The following AGAP1 variants were observed in gnomAD, a reference collection of about 807,000 sequenced individuals.
The protein encoded by AGAP1 is ArfGAP with GTPase domain, ankyrin repeat and PH domain 1.
A neutral mutation model predicts 105.3 loss-of-function variants in AGAP1; 29 were observed. The observed-to-expected ratio is 0.28, with a 90% CI of 0.21 to 0.38. The LOEUF (loss-of-function observed/expected upper bound fraction) is 0.38. Ranked by LOEUF, AGAP1 falls within the 10% of genes least tolerant of loss-of-function variation. The pLI, the probability that AGAP1 is intolerant of heterozygous loss-of-function variation, is 1.00. For synonymous variants in AGAP1, 509 were observed against 485.9 expected, an observed-to-expected ratio of 1.05 and a Z score of -0.63; for missense variants, 998 against 1,165.1, an observed-to-expected ratio of 0.86 and a Z score of 2.09.
chr2:236,022,770 A>G (rs2056926379), intron 13 of AGAP1, among the ~76,000 whole-genome samples: 1 of 152,192 alleles, frequency 6.6e-6, no homozygotes, highest in South Asian at 2.1e-4. Flanking sequence ...CCTCACCTCA[A>G]GGGATCCGCC....
rs1946083899 is a variant in AGAP1 at position 235,610,308 on chromosome 2, A to C, written c.164-98871A>C. ...CTCGTCATCTTGGAGTCCACCGTGC[A>C]CTTGTCCGCTTGGGCTGCCATAACA... On this transcript the variant is annotated intron_variant, in intron 1 of 17. Transcript: ENST00000304032. This position sits in a 1 kb window ranked among gnomAD's most constrained non-coding sequence, Gnocchi z 4.9. Among the ~76,000 whole-genome samples the C allele has an allele frequency of 6.6e-6, 1 of 152,134 alleles. No individual in the cohort carries two copies. Among genetic ancestry groups the C allele is most frequent in the Non-Finnish European group, 1.5e-5 (1 of 68,022 alleles).
At position 236,003,666 on chromosome 2, in the gene AGAP1, A is replaced by G. The variant is rs1007727294; in HGVS notation, c.1646-32895A>G. Among the ~76,000 whole-genome samples the G allele has an allele frequency of 3.9e-5, 6 of 152,180 alleles. No homozygotes were observed. The highest frequency in any genetic ancestry group is 1.4e-4 in the African/African-American group (6 of 41,446). On this transcript the variant is annotated intron_variant, in intron 13 of 17. Coordinates refer to ENST00000304032, the MANE Select transcript of AGAP1 (RefSeq NM_001037131.3). This position sits in a 1 kb window ranked among gnomAD's most constrained non-coding sequence, Gnocchi z 4.2. ...TTCTTTCTCTGGCTGTGCACCTGGC[A>G]GTGCTGAGAGGAGAGCCTGGTGGGC... is the stretch of plus-strand genomic sequence containing the variant.
chr2:235,709,996 TAG>T (rs1344363235), intron 2 of AGAP1, among the ~76,000 whole-genome samples: 1 of 150,892 alleles, frequency 6.6e-6, no homozygotes, highest in Non-Finnish European at 1.5e-5. Flanking sequence ...TATATTTATG[TAG>T]GTATCTATGT....
At chr2:235,849,953 C>CCCTCTCAGCCTTCTTCATAG (rs1404647983) in intron 9 of AGAP1, among the ~76,000 whole-genome samples, 2 of 152,228 alleles carry the variant, frequency 1.3e-5, no homozygotes, top group African/African-American at 4.8e-5. Context: ...TCTCACTTTT[C>CCCTCTCAGCCTTCTTCATAG]CCTCTCAGCC....
At chr2:235,626,487 G>A (rs1183589679) in intron 1 of AGAP1, among the ~76,000 whole-genome samples, 1 of 152,208 alleles carries the variant, frequency 6.6e-6, no homozygotes, top group Non-Finnish European at 1.5e-5. Context: ...AGTTAATGGT[G>A]GCGTTTTTTA....
intron 1 of AGAP1, among the ~76,000 whole-genome samples, chr2:235,685,959 T>C (rs1482015089): frequency 2.6e-5 from 4 of 152,264 alleles, no homozygotes; most frequent in African/African-American, 9.6e-5. Flanking sequence ...GGGAGGGGGC[T>C]TCTGACATTC....
intron 1 of AGAP1, among the ~76,000 whole-genome samples, chr2:235,708,802 CG>C (rs1488197827): frequency 6.6e-6 from 1 of 152,194 alleles, no homozygotes; most frequent in Non-Finnish European, 1.5e-5. Flanking sequence ...AATCACTCCT[CG>C]GAAAGCTAGG....
chr2:235,715,634 G>A (rs1040574351), intron 2 of AGAP1, among the ~76,000 whole-genome samples: 1 of 152,184 alleles, frequency 6.6e-6, no homozygotes, highest in Non-Finnish European at 1.5e-5. Context: ...AGTCTCCCAC[G>A]GCTTATGAAA....
rs748133660 is a variant in AGAP1 at position 236,035,634 on chromosome 2, C to G, written c.1646-927C>G. Among the ~76,000 whole-genome samples the G allele has an allele frequency of 6.6e-6, 1 of 152,148 alleles. No individual in the cohort carries two copies. The highest frequency in any genetic ancestry group is 1.9e-4 in the East Asian group (1 of 5,176). On this transcript the variant is annotated intron_variant, in intron 13 of 17. Coordinates refer to ENST00000304032, the MANE Select transcript of AGAP1 (RefSeq NM_001037131.3). The surrounding 1 kb of genome is among the most constrained non-coding windows in gnomAD (Gnocchi z 4.2). ...GTGGGACTCCATCTCAAAAACAGTTCTTCGTGGTTGTATGCAATTAGTTAT... is the reference window on the plus strand; with the variant it reads ...GTGGGACTCCATCTCAAAAACAGTTGTTCGTGGTTGTATGCAATTAGTTAT...
At chr2:235,516,529 C>T (rs984452603) in intron 1 of AGAP1, among the ~76,000 whole-genome samples, 3 of 152,158 alleles carry the variant, frequency 2.0e-5, no homozygotes, top group Non-Finnish European at 4.4e-5. Context: ...TTTCCTCTAG[C>T]TTTACTCCAA....
At chr2:235,707,244 C>G (rs1346490443) in intron 1 of AGAP1, among the ~76,000 whole-genome samples, 1 of 152,216 alleles carries the variant, frequency 6.6e-6, no homozygotes, top group Non-Finnish European at 1.5e-5. Context: ...TGAGCTCCTG[C>G]AGATGGGCCT....
intron 9 of AGAP1, among the ~76,000 whole-genome samples, chr2:235,812,516 G>A (rs1178956135): frequency 1.3e-5 from 2 of 152,254 alleles, no homozygotes; most frequent in African/African-American, 2.4e-5. Context: ...TGTATTGTGT[G>A]GCATGGGCAG....
At chr2:235,929,927 A>T (rs547642267) in intron 11 of AGAP1, among the ~76,000 whole-genome samples, 1 of 152,192 alleles carries the variant, frequency 6.6e-6, no homozygotes, top group South Asian at 2.1e-4. Context: ...AACTAAAACA[A>T]TTGGAAGAAA....
intron 9 of AGAP1, among the ~76,000 whole-genome samples, chr2:235,813,421 G>A (rs543898067): frequency 1.6e-3 from 250 of 152,354 alleles, no homozygotes; most frequent in Middle Eastern, 3.4e-3. Context: ...TTCCAAGAAC[G>A]GAAGTTCGTT....
At chr2:236,085,548 G>A (rs532663883) in intron 16 of AGAP1, among the ~76,000 whole-genome samples, 6 of 152,220 alleles carry the variant, frequency 3.9e-5, no homozygotes, top group African/African-American at 9.6e-5. Context: ...GTTCCAGCTG[G>A]TAGGACCAGC....
At chr2:235,914,043 G>A (rs1319670310) in intron 11 of AGAP1, among the ~76,000 whole-genome samples, 2 of 151,938 alleles carry the variant, frequency 1.3e-5, no homozygotes, top group Admixed American at 6.6e-5. Flanking sequence ...GCATTGTGAA[G>A]CTAATCCTTT....
At position 235,962,751 on chromosome 2, in the gene AGAP1, C is replaced by A. The variant is rs928592497; in HGVS notation, c.1484-5711C>A. On this transcript the variant is annotated intron_variant, in intron 12 of 17. Transcript: ENST00000304032. This position sits in a 1 kb window ranked among gnomAD's most constrained non-coding sequence, Gnocchi z 5.3. ...TGCGAGAGGTTGAAAACTAGAAGCT[C>A]TGGTTGAAATTCCATGGGGTTTCTC... Among the ~76,000 whole-genome samples the A allele has an allele frequency of 6.6e-6, 1 of 152,168 alleles. No homozygotes were observed. Among genetic ancestry groups the A allele is most frequent in the Non-Finnish European group, 1.5e-5 (1 of 68,032 alleles).
At chr2:235,991,492 T>G (rs975972538) in intron 13 of AGAP1, among the ~76,000 whole-genome samples, 17 of 152,330 alleles carry the variant, frequency 1.1e-4, no homozygotes, top group African/African-American at 4.1e-4. Flanking sequence ...GGAAGGTCGC[T>G]TGAGCCCAGG....
intron 11 of AGAP1, 102 bp downstream of exon 11, chr2:235,909,008 T>A: frequency 8.7e-7 from 1 of 1,145,654 alleles, no homozygotes; most frequent in Non-Finnish European, 1.2e-6. Flanking sequence ...AGACAGTAAC[T>A]ATCACATTAC....
Sources: allele counts gnomAD v4.1 joint callset (sites outside exome capture counted in the v4.1 genomes callset), GRCh38; gene constraint gnomAD v4.1.1; non-coding constraint Gnocchi (gnomAD v3.1); transcripts MANE v1.5; gene names NCBI Gene and HGNC (gene_info 2026-07-23, HGNC 2026-07-21).